The following ADAMTSL3 variants were observed in gnomAD, a reference collection of about 807,000 sequenced individuals.
ADAMTSL3 encodes the protein ADAMTS like 3, also known as ADAMTS-like protein 3.
In ADAMTSL3, 128 loss-of-function variants were observed where a neutral mutation model predicts 201.7. The observed-to-expected ratio is 0.63, with a 90% CI of 0.55 to 0.73. The LOEUF (loss-of-function observed/expected upper bound fraction) is 0.73. Among genes scored for constraint, ADAMTSL3 ranks in the 30% least tolerant of loss-of-function variants. The probability of loss-of-function intolerance (pLI) is 0.00; values close to 1 mark genes in which losing one functional copy is unlikely to be tolerated. For missense variants in ADAMTSL3, 1,990 were observed against 2,119.6 expected (o/e 0.94, Z 1.20); for synonymous variants, 738 against 748.4 (o/e 0.99, Z 0.23).
intron 3 of ADAMTSL3, among the ~76,000 whole-genome samples, chr15:83,733,565 A>T (rs2062318008): frequency 6.6e-6 from 1 of 152,146 alleles, no homozygotes; most frequent in Non-Finnish European, 1.5e-5. Context: ...CACCAGAGAA[A>T]GTTTGTGGGT....
intron 19 of ADAMTSL3, among the ~76,000 whole-genome samples, chr15:83,956,406 T>C (rs1304942686): frequency 6.6e-6 from 1 of 152,226 alleles, no homozygotes; most frequent in Non-Finnish European, 1.5e-5. Flanking sequence ...TTTTTAGTTC[T>C]TATGAAGGTG....
At chr15:83,737,496 G>T (rs1225192307) in intron 3 of ADAMTSL3, among the ~76,000 whole-genome samples, 2 of 152,064 alleles carry the variant, frequency 1.3e-5, no homozygotes, top group African/African-American at 4.8e-5. Context: ...CTTCTCTCTT[G>T]CCTGCCACCA....
At chr15:83,865,561 T>G (rs1374175206) in intron 8 of ADAMTSL3, among the ~76,000 whole-genome samples, 2 of 152,336 alleles carry the variant, frequency 1.3e-5, no homozygotes, top group South Asian at 2.1e-4. Context: ...GCTAGCCATA[T>G]GTAGAAAGCT....
At chr15:83,882,753 T>C (rs2065300354) in intron 9 of ADAMTSL3, among the ~76,000 whole-genome samples, 1 of 152,234 alleles carries the variant, frequency 6.6e-6, no homozygotes, top group African/African-American at 2.4e-5. Flanking sequence ...CTTTGTTTTC[T>C]TGAATCCAAT....
intron 4 of ADAMTSL3, among the ~76,000 whole-genome samples, chr15:83,789,991 G>T (rs2063319903): frequency 6.6e-6 from 1 of 151,828 alleles, no homozygotes; most frequent in African/African-American, 2.4e-5. Flanking sequence ...GCCATCTTAG[G>T]ATTTACCTTT....
intron 3 of ADAMTSL3, 43 bp downstream of exon 3, chr15:83,704,551 G>T: frequency 6.4e-7 from 1 of 1,569,172 alleles, no homozygotes; most frequent in Non-Finnish European, 8.6e-7. Flanking sequence ...TTTGCTGTTT[G>T]CCAGTGGTCA....
rs149355039 is a variant in ADAMTSL3 at position 83,838,236 on chromosome 15, G to A, written c.727+21G>A. 896 of 1,607,978 alleles carry A rather than the reference G, an allele frequency of 5.6e-4. 7 individuals carry two copies. The African/African-American group carries it at 9.7e-3, about 17-fold the overall frequency. On this transcript the variant is annotated intron_variant, in intron 7 of 29. Transcript: ENST00000286744. ...AAAAAGTAGGTTTTAAACCCAATAC[G>A]TTATTACCATCATACAAGATATATT... is the stretch of plus-strand genomic sequence containing the variant.
At chr15:83,969,725 G>A (rs1418172147) in intron 19 of ADAMTSL3, among the ~76,000 whole-genome samples, 1 of 152,188 alleles carries the variant, frequency 6.6e-6, no homozygotes, top group Non-Finnish European at 1.5e-5. Context: ...CATACTGGGG[G>A]AATGGGGAAA....
At chr15:83,772,654 C>A (rs562036880) in intron 3 of ADAMTSL3, among the ~76,000 whole-genome samples, 1 of 152,072 alleles carries the variant, frequency 6.6e-6, no homozygotes, top group South Asian at 2.1e-4. Flanking sequence ...TTGGGAGTTA[C>A]CGCCAGTCTG....
At chr15:83,965,222 A>T (rs919196641) in intron 19 of ADAMTSL3, among the ~76,000 whole-genome samples, 1 of 152,150 alleles carries the variant, frequency 6.6e-6, no homozygotes, top group Non-Finnish European at 1.5e-5. Flanking sequence ...AAAGACAGAG[A>T]CTGGCAAATT....
chr15:83,860,812 A>C (rs533975378), intron 8 of ADAMTSL3, among the ~76,000 whole-genome samples: 2 of 152,140 alleles, frequency 1.3e-5, no homozygotes, highest in African/African-American at 2.4e-5. Flanking sequence ...AGTGTCGGAG[A>C]GTGGGTGCAG....
intron 15 of ADAMTSL3, among the ~76,000 whole-genome samples, chr15:83,908,250 G>A (rs1044261646): frequency 6.6e-6 from 1 of 152,134 alleles, no homozygotes; most frequent in Non-Finnish European, 1.5e-5. Context: ...ATACCCTTTG[G>A]TTACTTGTCT....
At chr15:83,980,336 C>G (rs2067364113) in intron 20 of ADAMTSL3, among the ~76,000 whole-genome samples, 1 of 152,168 alleles carries the variant, frequency 6.6e-6, no homozygotes, top group Non-Finnish European at 1.5e-5. Context: ...TGGCCAGACA[C>G]ATTCTGTTGA....
chr15:83,759,751 AT>A (rs1469962875), intron 3 of ADAMTSL3, among the ~76,000 whole-genome samples: 3 of 152,176 alleles, frequency 2.0e-5, no homozygotes, highest in Non-Finnish European at 2.9e-5. Context: ...TGGAGGGTAA[AT>A]TACTCAGAAG....
intron 2 of ADAMTSL3, among the ~76,000 whole-genome samples, chr15:83,700,593 G>T (rs183472891): frequency 1.3e-5 from 2 of 151,994 alleles, no homozygotes; most frequent in Non-Finnish European, 2.9e-5. Flanking sequence ...GTGAAACCCC[G>T]TCTCTACTAA....
At chr15:83,942,505 C>T in intron 17 of ADAMTSL3, 91 bp from the exon 18 acceptor site, 2 of 1,242,386 alleles carry the variant, frequency 1.6e-6, no homozygotes, top group Admixed American at 4.1e-5. Flanking sequence ...AGTCTGGAAG[C>T]CCAGAGGAGA....
At chr15:83,889,957 G>A in intron 10 of ADAMTSL3, 152 bp from the exon 11 acceptor site, 3 of 687,776 alleles carry the variant, frequency 4.4e-6, no homozygotes, top group East Asian at 5.7e-5. Flanking sequence ...TATATTAAAA[G>A]CTCCCATGTG....
intron 16 of ADAMTSL3, among the ~76,000 whole-genome samples, chr15:83,918,794 A>G (rs2066083667): frequency 6.6e-6 from 1 of 152,180 alleles, no homozygotes; most frequent in Non-Finnish European, 1.5e-5. Context: ...ATTTATTTCA[A>G]AAAGGTTAGT....
At position 84,014,701 on chromosome 15, in the gene ADAMTSL3, C is replaced by A; in HGVS notation, c.4133C>A (p.Ala1378Glu). Residue 1378 changes from alanine to glutamate, a missense_variant, in exon 24 of 30, where the codon GCA becomes GAA. Coordinates refer to ENST00000286744, the MANE Select transcript of ADAMTSL3 (RefSeq NM_207517.3). The stretch of plus-strand genomic sequence containing the variant: ...ACCAATGCTCTTGGAAAGGCAGTGG[C>A]AACATCTGTACTCCACTTGCTGGGT... ...IATNALGKAVATSVLHLLERR... is the reference protein window; with the variant it reads ...IATNALGKAVETSVLHLLERR... 1 of 1,611,262 alleles carries A rather than the reference C, an allele frequency of 6.2e-7. No homozygotes were observed. The highest frequency in any genetic ancestry group is 1.1e-5 in the South Asian group (1 of 90,326).
Sources: allele counts gnomAD v4.1 joint callset (sites outside exome capture counted in the v4.1 genomes callset), GRCh38; gene constraint gnomAD v4.1.1; transcripts MANE v1.5; gene names NCBI Gene and HGNC (gene_info 2026-07-23, HGNC 2026-07-21).